The following SUCLG2 variants were observed in gnomAD, a reference collection of about 807,000 sequenced individuals.
The protein encoded by SUCLG2 is succinate--CoA ligase [GDP-forming] subunit beta, mitochondrial.
A neutral mutation model predicts 47.9 loss-of-function variants in SUCLG2; 42 were observed. That is an observed-to-expected ratio of 0.88 (90% CI 0.69 to 1.14). SUCLG2 has a LOEUF of 1.14. Ranked by LOEUF, SUCLG2 falls within the 50% of genes most tolerant of loss-of-function variation. The pLI is 0.00. For synonymous variants in SUCLG2, 195 were observed against 197.3 expected (o/e 0.99, Z 0.10); for missense variants, 571 against 525.9 (o/e 1.09, Z -0.84).
At chr3:67,613,782 G>A (rs1197605952) in intron 1 of SUCLG2, among the ~76,000 whole-genome samples, 1 of 152,210 alleles carries the variant, frequency 6.6e-6, no homozygotes, top group Non-Finnish European at 1.5e-5. Context: ...AAGTTACTCT[G>A]AAACAGTAAA....
chr3:67,435,495 A>C (rs778833117), intron 9 of SUCLG2, among the ~76,000 whole-genome samples: 2 of 152,202 alleles, frequency 1.3e-5, no homozygotes, highest in Non-Finnish European at 2.9e-5. Flanking sequence ...GTTAAGTCAG[A>C]GAAAATGAAA....
At chr3:67,601,986 T>C (rs1026098760) in intron 2 of SUCLG2, among the ~76,000 whole-genome samples, 5 of 131,094 alleles carry the variant, frequency 3.8e-5, no homozygotes, top group African/African-American at 1.6e-4. Context: ...TCTCAAAAAA[T>C]TAAAAAATTA....
At chr3:67,465,878 G>A (rs1704457110) in intron 9 of SUCLG2, among the ~76,000 whole-genome samples, 3 of 151,958 alleles carry the variant, frequency 2.0e-5, no homozygotes, top group Admixed American at 2.0e-4. Context: ...CATTTTCCAT[G>A]CCCTTCAGGC....
At chr3:67,440,835 C>G (rs1703741835) in intron 9 of SUCLG2, among the ~76,000 whole-genome samples, 2 of 152,176 alleles carry the variant, frequency 1.3e-5, no homozygotes, top group Admixed American at 1.3e-4. Flanking sequence ...CCTCAAGGAT[C>G]TAGAACTAGA....
At chr3:67,363,301 C>A (rs1272907411) in intron 10 of SUCLG2, among the ~76,000 whole-genome samples, 1 of 152,162 alleles carries the variant, frequency 6.6e-6, no homozygotes, top group Admixed American at 6.5e-5. Flanking sequence ...GTTATTAAAG[C>A]AAAGTTTTAT....
chr3:67,550,775 C>T (rs17046587), intron 2 of SUCLG2, among the ~76,000 whole-genome samples: 7,295 of 152,292 alleles, frequency 0.048, 232 homozygotes, highest in African/African-American at 0.089. Context: ...TTAGAACTCA[C>T]GCTTTGTCCC....
intron 1 of SUCLG2, among the ~76,000 whole-genome samples, chr3:67,612,995 T>C (rs1401356497): frequency 6.6e-6 from 1 of 152,194 alleles, no homozygotes; most frequent in African/African-American, 2.4e-5. Flanking sequence ...GAGGTGTACA[T>C]AACAAGGTAT....
intron 2 of SUCLG2, among the ~76,000 whole-genome samples, chr3:67,545,655 T>G (rs1447860488): frequency 1.3e-5 from 2 of 152,140 alleles, no homozygotes; most frequent in Non-Finnish European, 1.5e-5. Context: ...AATAGCTATT[T>G]CCTTTTCTCT....
intron 10 of SUCLG2, among the ~76,000 whole-genome samples, chr3:67,391,944 C>A (rs1330795262): frequency 6.6e-6 from 1 of 152,164 alleles, no homozygotes; most frequent in African/African-American, 2.4e-5. Context: ...CCACCTCCAC[C>A]CACAGCCTGT....
At chr3:67,362,329 G>GCTC (rs1266267608) in intron 10 of SUCLG2, among the ~76,000 whole-genome samples, 6 of 152,126 alleles carry the variant, frequency 3.9e-5, no homozygotes, top group Non-Finnish European at 8.8e-5. Context: ...ACGTTGGCCA[G>GCTC]CTCCTTAGCT....
chr3:67,407,862 T>C (rs987951045), intron 9 of SUCLG2, among the ~76,000 whole-genome samples: 3 of 152,346 alleles, frequency 2.0e-5, no homozygotes, highest in South Asian at 2.1e-4. Context: ...TTTGTTGTTT[T>C]TATTTTCCTG....
At chr3:67,489,991 CAG>C (rs1705165561) in intron 9 of SUCLG2, among the ~76,000 whole-genome samples, 1 of 152,180 alleles carries the variant, frequency 6.6e-6, no homozygotes, top group South Asian at 2.1e-4. Flanking sequence ...AATAAGGCAA[CAG>C]TATAACTGTA....
At chr3:67,367,072 T>C (rs1457242851) in intron 10 of SUCLG2, among the ~76,000 whole-genome samples, 1 of 152,212 alleles carries the variant, frequency 6.6e-6, no homozygotes, top group Non-Finnish European at 1.5e-5. Context: ...GTTCTATATA[T>C]TGAACAAAAC....
chr3:67,624,960 TC>T (rs751941244), intron 1 of SUCLG2, among the ~76,000 whole-genome samples: 5 of 152,188 alleles, frequency 3.3e-5, no homozygotes, highest in Non-Finnish European at 5.9e-5. Context: ...AAATAGACAA[TC>T]TGACACAGTA....
chr3:67,388,456 T>A (rs1432184928), intron 10 of SUCLG2, among the ~76,000 whole-genome samples: 1 of 152,192 alleles, frequency 6.6e-6, no homozygotes, highest in East Asian at 1.9e-4. Context: ...TACTCACTAA[T>A]ATTCATATGT....
rs1703149580 is a variant in SUCLG2 at position 67,421,210 on chromosome 3, C to CA, written c.1063-20360dup. ...ATCCAACCTGATACCCCATCTACCACATTTAAAGACCCACTGTCATTAAAG... is the reference window on the plus strand; with the variant it reads ...ATCCAACCTGATACCCCATCTACCACAATTTAAAGACCCACTGTCATTAAAG... On this transcript the variant is annotated intron_variant, in intron 9 of 10. Coordinates refer to ENST00000307227, the MANE Select transcript of SUCLG2 (RefSeq NM_003848.4). Among the ~76,000 whole-genome samples, 3 of 152,160 alleles carry CA rather than the reference C, an allele frequency of 2.0e-5. No individual in the cohort carries two copies. The South Asian group carries it at 6.2e-4, about 32-fold the overall frequency.
At chr3:67,582,371 G>A (rs146883224) in intron 2 of SUCLG2, among the ~76,000 whole-genome samples, 1 of 152,268 alleles carries the variant, frequency 6.6e-6, no homozygotes, top group African/African-American at 2.4e-5. Context: ...GCAGTATTTG[G>A]TTTTCTGTTC....
chr3:67,452,476 T>C (rs1704078900), intron 9 of SUCLG2, among the ~76,000 whole-genome samples: 1 of 152,194 alleles, frequency 6.6e-6, no homozygotes, highest in Non-Finnish European at 1.5e-5. Flanking sequence ...CCAGTAATGA[T>C]TAATACTTTT....
intron 2 of SUCLG2, among the ~76,000 whole-genome samples, chr3:67,539,223 G>C (rs1706631734): frequency 6.6e-6 from 1 of 152,130 alleles, no homozygotes; most frequent in African/African-American, 2.4e-5. Flanking sequence ...ATTATTTTGA[G>C]ATATGTTCCA....
Sources: gnomAD v4.1 joint callset for allele counts (sites outside exome capture counted in the v4.1 genomes callset) on GRCh38, gnomAD v4.1.1 for gene constraint, MANE v1.5 for transcripts, NCBI Gene and HGNC (gene_info 2026-07-23, HGNC 2026-07-21) for gene names.